GRID1: variants seen among roughly 807,000 people sequenced by gnomAD.
GRID1 encodes the protein glutamate ionotropic receptor delta type subunit 1.
In GRID1, 28 loss-of-function variants were observed where a neutral mutation model predicts 98.0. The observed-to-expected ratio is 0.29, with a 90% CI of 0.21 to 0.39. GRID1 has a LOEUF of 0.39. Among genes scored for constraint, GRID1 ranks in the 10% least tolerant of loss-of-function variants. The pLI is 1.00. For missense variants in GRID1, 1,111 were observed against 1,340.5 expected (o/e 0.83, Z 2.67); for synonymous variants, 553 against 538.5 (o/e 1.03, Z -0.37).
In GRID1 at chr10:86,366,700, C is replaced by T. The variant is rs1360534043; in HGVS notation, c.-308G>A. 6.7e-6 allele frequency among the ~76,000 whole-genome samples: 1 copy of T among 149,652 alleles called. No individual in the cohort carries two copies. The highest frequency in any genetic ancestry group is 1.5e-5 in the Non-Finnish European group (1 of 66,710). On this transcript the variant is annotated 5_prime_UTR_variant, in exon 1 of 16. Transcript: ENST00000327946. The surrounding 1 kb of genome is among the most constrained non-coding windows in gnomAD (Gnocchi z 4.1). ...GCAGCGGCGCTTCCCGCGGCTAGAG[C>T]GGCTTCGGGGGAGGCTGAGGCGGTG...
chr10:85,894,621 A>G (rs1030416917), intron 5 of GRID1, among the ~76,000 whole-genome samples: 14 of 152,122 alleles, frequency 9.2e-5, no homozygotes, highest in African/African-American at 3.4e-4. Context: ...CAGGTTTTTT[A>G]AGTGTCAATT....
chr10:85,727,987 G>A lies in GRID1; in HGVS notation c.1401C>T (p.Ser467=), dbSNP rs564405581. ...LGQPKRYKGF[S]IDVLDALAKA... The stretch of plus-strand genomic sequence containing the variant: ...TGGCCAGTGCATCCAGGACATCTAT[G>A]GAGAACCCTTTGTAGCGCTTGGGCT... The change falls in exon 10 of 16, where the codon TCC becomes TCT. Residue 467 remains serine (S), a synonymous_variant. Coordinates refer to ENST00000327946, the MANE Select transcript of GRID1 (RefSeq NM_017551.3). 20 of 1,613,722 alleles carry A rather than the reference G, an allele frequency of 1.2e-5. No homozygotes were observed. Among genetic ancestry groups the A allele is most frequent in the East Asian group, 2.2e-5 (1 of 44,876 alleles).
At chr10:86,355,827 ATGC>A (rs1242471164) in intron 2 of GRID1, among the ~76,000 whole-genome samples, 1 of 152,212 alleles carries the variant, frequency 6.6e-6, no homozygotes, top group Non-Finnish European at 1.5e-5. Context: ...TGGCAGAGAG[ATGC>A]GTGGTCTCTG....
intron 12 of GRID1, among the ~76,000 whole-genome samples, chr10:85,680,738 A>T (rs1391758957): frequency 6.6e-6 from 1 of 152,248 alleles, no homozygotes; most frequent in Non-Finnish European, 1.5e-5. Flanking sequence ...AATGCCCATC[A>T]ACACGGGCAT....
intron 5 of GRID1, among the ~76,000 whole-genome samples, chr10:85,913,555 T>A (rs912327154): frequency 2.0e-5 from 3 of 152,120 alleles, no homozygotes; most frequent in Non-Finnish European, 4.4e-5. Context: ...TTTGGGAGGC[T>A]GAGGAGGGCA....
At chr10:86,227,221 A>C (rs1846365790) in intron 2 of GRID1, among the ~76,000 whole-genome samples, 1 of 152,212 alleles carries the variant, frequency 6.6e-6, no homozygotes, top group Admixed American at 6.5e-5. Flanking sequence ...TGAGAAAAGG[A>C]AGACGAAAGA....
At chr10:86,102,541 C>T (rs538211200) in intron 4 of GRID1, among the ~76,000 whole-genome samples, 8 of 152,326 alleles carry the variant, frequency 5.3e-5, no homozygotes, top group South Asian at 2.1e-4. Context: ...CCCTGCCCGG[C>T]GCTGCCACAC....
chr10:85,884,650 G>A lies in GRID1; in HGVS notation c.781-15470C>T, dbSNP rs1483639333. Among the ~76,000 whole-genome samples the A allele has an allele frequency of 4.6e-5, 7 of 152,142 alleles. No individual in the cohort carries two copies. In the East Asian group the frequency reaches 1.4e-3, roughly 29 times the overall value. On this transcript the variant is annotated intron_variant, in intron 5 of 15. Coordinates refer to ENST00000327946, the MANE Select transcript of GRID1 (RefSeq NM_017551.3). ...TACTTCCTCTCCTACAATCTAATAG[G>A]TTCCACCCATAAATCCTATTTCATC...
chr10:85,719,746 C>G (rs1841679132), intron 12 of GRID1, among the ~76,000 whole-genome samples: 1 of 151,704 alleles, frequency 6.6e-6, no homozygotes, highest in African/African-American at 2.4e-5. Context: ...TATCCATAGA[C>G]TGAAAAAAAA....
At chr10:86,304,715 C>T (rs1847735503) in intron 2 of GRID1, among the ~76,000 whole-genome samples, 1 of 152,252 alleles carries the variant, frequency 6.6e-6, no homozygotes, top group African/African-American at 2.4e-5. Context: ...GAGCTACGAT[C>T]TCCATTTTAC....
At chr10:85,831,861 A>G (rs1842870250) in intron 8 of GRID1, among the ~76,000 whole-genome samples, 2 of 152,130 alleles carry the variant, frequency 1.3e-5, no homozygotes, top group African/African-American at 4.8e-5. Context: ...AAATAAACAC[A>G]AAAATAAATT....
chr10:86,293,128 T>C (rs1847539770), intron 2 of GRID1, among the ~76,000 whole-genome samples: 1 of 152,188 alleles, frequency 6.6e-6, no homozygotes, highest in African/African-American at 2.4e-5. Context: ...CCATGTGCCA[T>C]TGCAGGTTAT....
At chr10:85,735,416 A>C (rs1313569256) in intron 8 of GRID1, among the ~76,000 whole-genome samples, 1 of 152,202 alleles carries the variant, frequency 6.6e-6, no homozygotes, top group Non-Finnish European at 1.5e-5. Context: ...TGATTATGAC[A>C]AACAACTGTG....
At chr10:85,855,687 T>C (rs754643823) in intron 7 of GRID1, among the ~76,000 whole-genome samples, 4 of 152,186 alleles carry the variant, frequency 2.6e-5, no homozygotes, top group Admixed American at 6.5e-5. Context: ...GTGCACTCGT[T>C]TCTTGGGGAG....
intron 8 of GRID1, among the ~76,000 whole-genome samples, chr10:85,773,074 A>C (rs942479088): frequency 1.3e-5 from 2 of 152,248 alleles, no homozygotes; most frequent in Non-Finnish European, 2.9e-5. Context: ...AAAATCCTCA[A>C]TAAAATACTG....
chr10:85,775,692 T>G (rs1842324111), intron 8 of GRID1, among the ~76,000 whole-genome samples: 1 of 152,126 alleles, frequency 6.6e-6, no homozygotes, highest in Non-Finnish European at 1.5e-5. Context: ...TCTAAAATAA[T>G]AGTTGAAATC....
intron 2 of GRID1, among the ~76,000 whole-genome samples, chr10:86,246,220 C>T (rs1193070624): frequency 6.6e-6 from 1 of 152,234 alleles, no homozygotes; most frequent in African/African-American, 2.4e-5. Flanking sequence ...ATGCTCTCCC[C>T]TCAGCTGCAC....
chr10:86,017,563 C>A (rs1842995174), intron 4 of GRID1, among the ~76,000 whole-genome samples: 1 of 152,226 alleles, frequency 6.6e-6, no homozygotes, highest in Non-Finnish European at 1.5e-5. Context: ...TGAGCAGGCA[C>A]AACTGGGTCA....
intron 8 of GRID1, among the ~76,000 whole-genome samples, chr10:85,818,821 G>A (rs1446858575): frequency 2.0e-5 from 3 of 152,088 alleles, no homozygotes; most frequent in South Asian, 2.1e-4. Context: ...CTGTTCAAGC[G>A]AGTCTCGTGC....
Sources: gnomAD v4.1 joint callset for allele counts (sites outside exome capture counted in the v4.1 genomes callset) on GRCh38, gnomAD v4.1.1 for gene constraint, Gnocchi (gnomAD v3.1) non-coding constraint, MANE v1.5 for transcripts, NCBI Gene and HGNC (gene_info 2026-07-23, HGNC 2026-07-21) for gene names.